RPTOR: variants seen among roughly 807,000 people sequenced by gnomAD.
The protein encoded by RPTOR is regulatory associated protein of MTOR complex 1, also known as regulatory-associated protein of mTOR.
RPTOR carries 21 observed loss-of-function variants against 169.9 expected under a neutral mutation model. The observed-to-expected ratio is 0.12, with a 90% confidence interval of 0.09 to 0.18. The LOEUF is 0.18. Ranked by LOEUF, RPTOR falls within the 10% of genes least tolerant of loss-of-function variation. The probability of loss-of-function intolerance (pLI) is 1.00; values close to 1 mark genes in which losing one functional copy is unlikely to be tolerated. For synonymous variants in RPTOR, 732 were observed against 753.2 expected, an observed-to-expected ratio of 0.97 and a Z score of 0.46; for missense variants, 1,133 against 1,855.9, an observed-to-expected ratio of 0.61 and a Z score of 7.16.
At chr17:80,839,133 G>A (rs762392292) in intron 10 of RPTOR, among the ~76,000 whole-genome samples, 37 of 152,226 alleles carry the variant, frequency 2.4e-4, no homozygotes, top group Middle Eastern at 3.2e-3. Context: ...GAGCCTGGGT[G>A]TGCCTGCGTG....
intron 26 of RPTOR, among the ~76,000 whole-genome samples, chr17:80,946,224 T>C (rs186674148): frequency 8.5e-4 from 129 of 152,300 alleles, no homozygotes; most frequent in African/African-American, 2.8e-3. Context: ...ACCCACTTCA[T>C]GGGGGAGGGC....
chr17:80,888,685 G>T (rs1268416914), intron 17 of RPTOR, among the ~76,000 whole-genome samples: 1 of 152,282 alleles, frequency 6.6e-6, no homozygotes, highest in African/African-American at 2.4e-5. Context: ...ATGTGCTACA[G>T]ACGACACCCC....
At chr17:80,890,279 GA>G (rs1288223973) in intron 17 of RPTOR, among the ~76,000 whole-genome samples, 4 of 152,216 alleles carry the variant, frequency 2.6e-5, no homozygotes, top group Non-Finnish European at 4.4e-5. Context: ...GAAGGAAAGG[GA>G]AAAAAATCGG....
intron 2 of RPTOR, among the ~76,000 whole-genome samples, chr17:80,627,746 C>A (rs1194267062): frequency 6.6e-6 from 1 of 152,014 alleles, no homozygotes; most frequent in East Asian, 1.9e-4. Context: ...AATAAAATTG[C>A]TATAAGCACT....
intron 1 of RPTOR, among the ~76,000 whole-genome samples, chr17:80,559,787 A>T (rs1045972758): frequency 6.6e-6 from 1 of 152,136 alleles, no homozygotes; most frequent in Non-Finnish European, 1.5e-5. Context: ...CATGGGCTCA[A>T]AGCTGGAATG....
rs144162149 is a variant in RPTOR, at chr17:80,913,399, G to A, written c.2520+4470G>A. On this transcript the variant is annotated intron_variant, in intron 21 of 33. Coordinates refer to ENST00000306801, the MANE Select transcript of RPTOR (RefSeq NM_020761.3). ...TTCGATTCCCATTCCATGGGCTTGG[G>A]GTTTTCATTTTGCTTTTAGCTCCCT... Among the ~76,000 whole-genome samples the A allele has an allele frequency of 7.4e-4, 113 of 152,226 alleles. 1 individual carries two copies. In the East Asian group the frequency reaches 0.019, roughly 25 times the overall value.
At chr17:80,918,842 G>T (rs1356762252) in intron 21 of RPTOR, among the ~76,000 whole-genome samples, 1 of 152,106 alleles carries the variant, frequency 6.6e-6, no homozygotes, top group African/African-American at 2.4e-5. Flanking sequence ...TCTGTGTCCT[G>T]TGCCGCCCAG....
chr17:80,721,214 G>T lies in RPTOR; in HGVS notation c.508-9346G>T, dbSNP rs376206234. Among the ~76,000 whole-genome samples the T allele has an allele frequency of 1.3e-4, 19 of 151,116 alleles. 4 individuals are homozygous for T. The highest frequency in any genetic ancestry group is 4.0e-4 in the African/African-American group (16 of 40,448). The stretch of plus-strand genomic sequence containing the variant: ...GGTGACACCGTGGGGAGCAGGTGAT[G>T]TGGTTCCAGTGCTCTGTCATCCTGG... On this transcript the variant is annotated intron_variant, in intron 4 of 33. Transcript: ENST00000306801. The surrounding 1 kb of genome is among the most constrained non-coding windows in gnomAD (Gnocchi z 4.7).
chr17:80,743,705 T>G lies in RPTOR; in HGVS notation c.655-10305T>G, dbSNP rs56399116. ...TGGCTACTAGCACAGCCCTGGCTAC[T>G]AGCACTGTCCTGGCTACGAGCACAG... On this transcript the variant is annotated intron_variant, in intron 5 of 33. Transcript: ENST00000306801. 4.6e-3 allele frequency among the ~76,000 whole-genome samples: 496 copies of G among 107,072 alleles called. 22 individuals carry two copies. Among genetic ancestry groups the G allele is most frequent in the East Asian group, 0.023 (73 of 3,230 alleles). 70.2% of individuals were successfully genotyped at this position (107,072 alleles called of 152,430 possible). A position where few individuals can be genotyped will look rare whatever the true frequency, so the allele number is the denominator to read the frequency against.
chr17:80,912,335 T>C (rs538130379), intron 21 of RPTOR, among the ~76,000 whole-genome samples: 7 of 152,278 alleles, frequency 4.6e-5, no homozygotes, highest in African/African-American at 1.4e-4. Context: ...GCCAGCGCTA[T>C]TTAGGAGGTT....
chr17:80,719,083 G>A (rs1270743203), intron 4 of RPTOR, among the ~76,000 whole-genome samples: 1 of 152,194 alleles, frequency 6.6e-6, no homozygotes, highest in Non-Finnish European at 1.5e-5. Flanking sequence ...TTCTCAGGTT[G>A]TGAGTAGGCC....
intron 11 of RPTOR, among the ~76,000 whole-genome samples, chr17:80,850,251 G>A (rs183756821): frequency 6.6e-5 from 10 of 152,238 alleles, no homozygotes; most frequent in African/African-American, 2.4e-4. Flanking sequence ...TATTCCACCT[G>A]TGTGTCCCTG....
chr17:80,744,456 G>GC (rs2066540333), intron 5 of RPTOR, among the ~76,000 whole-genome samples: 1 of 97,918 alleles, frequency 1.0e-5, no homozygotes, highest in Admixed American at 8.8e-5. Flanking sequence ...CACTGTCCTG[G>GC]TTACTAGCAC....
At chr17:80,813,917 C>T (rs920168678) in intron 7 of RPTOR, among the ~76,000 whole-genome samples, 2 of 152,108 alleles carry the variant, frequency 1.3e-5, no homozygotes, top group Non-Finnish European at 2.9e-5. Context: ...GTGGATCACC[C>T]GAGCTCAGGA....
intron 21 of RPTOR, among the ~76,000 whole-genome samples, chr17:80,918,760 C>T (rs2068710070): frequency 6.6e-6 from 1 of 152,214 alleles, no homozygotes; most frequent in Admixed American, 6.5e-5. Flanking sequence ...GTAAGAAAGG[C>T]AGAGCCCCGT....
At chr17:80,835,094 C>T (rs949877504) in intron 9 of RPTOR, among the ~76,000 whole-genome samples, 17 of 152,126 alleles carry the variant, frequency 1.1e-4, no homozygotes, top group Non-Finnish European at 1.5e-5. Context: ...ATTGCACGTA[C>T]TTTGAGGCCT....
Position 80,880,394 on chromosome 17 carries a change from C to T in RPTOR, c.1510-21C>T, listed in dbSNP as rs748957534. The T allele has an allele frequency of 6.8e-6, 11 of 1,611,768 alleles. No homozygotes were observed. In the African/African-American group the frequency reaches 1.3e-4, roughly 20 times the overall value. ...GCGGGACACTGCACTCACTGCCTCT[C>T]CTCTGTCTCTTTCTGTCCAGTCGTG... On this transcript the variant is annotated intron_variant, in intron 13 of 33. Coordinates refer to ENST00000306801, the MANE Select transcript of RPTOR (RefSeq NM_020761.3).
intron 11 of RPTOR, among the ~76,000 whole-genome samples, chr17:80,851,547 G>A (rs1327961758): frequency 1.3e-5 from 2 of 152,096 alleles, no homozygotes; most frequent in Non-Finnish European, 2.9e-5. Flanking sequence ...CTTTATTGAC[G>A]ATGTTTCTTT....
At chr17:80,953,874 G>A (rs1005216175) in intron 28 of RPTOR, among the ~76,000 whole-genome samples, 1 of 152,242 alleles carries the variant, frequency 6.6e-6, no homozygotes, top group Non-Finnish European at 1.5e-5. Flanking sequence ...TCCCAGCGGA[G>A]GAGCAGGGCT....
Sources: allele counts gnomAD v4.1 joint callset (sites outside exome capture counted in the v4.1 genomes callset), GRCh38; gene constraint gnomAD v4.1.1; non-coding constraint Gnocchi (gnomAD v3.1); transcripts MANE v1.5; gene names NCBI Gene and HGNC (gene_info 2026-07-23, HGNC 2026-07-21).